Variants in GLIS3 observed in about 807,000 individuals in gnomAD.
GLIS3 encodes GLIS family zinc finger 3.
In GLIS3, 53 loss-of-function variants were observed where a neutral mutation model predicts 78.6. The ratio of observed to expected loss-of-function variants is 0.67; its 90% CI spans 0.54 to 0.85. The LOEUF (loss-of-function observed/expected upper bound fraction) is 0.85, where lower values mean the gene tolerates loss of function less well. GLIS3 is among the 40% of genes least tolerant of loss of function. The pLI is 0.00. For missense variants in GLIS3, 1,703 were observed against 1,231.1 expected (o/e 1.38, Z -5.74); for synonymous variants, 684 against 509.9 (o/e 1.34, Z -4.60).
chr9:3,895,154 T>TATCA (rs1316060541), intron 7 of GLIS3, among the ~76,000 whole-genome samples: 1 of 152,232 alleles, frequency 6.6e-6, no homozygotes, highest in African/African-American at 2.4e-5. Flanking sequence ...GGCTTCTATA[T>TATCA]ATCATTAGTT....
intron 2 of GLIS3, among the ~76,000 whole-genome samples, chr9:4,166,158 G>A (rs1055462862): frequency 6.6e-6 from 1 of 152,168 alleles, no homozygotes; most frequent in Admixed American, 6.5e-5. Context: ...ATTGTTCTGA[G>A]GGAAAGTACT....
At chr9:4,037,015 G>C (rs894273484) in intron 4 of GLIS3, among the ~76,000 whole-genome samples, 1 of 152,092 alleles carries the variant, frequency 6.6e-6, no homozygotes, top group South Asian at 2.1e-4. Flanking sequence ...GGGTGTCCAT[G>C]TTCTAACCTT....
chr9:4,186,802 G>C (rs573693400), intron 2 of GLIS3, among the ~76,000 whole-genome samples: 1 of 152,268 alleles, frequency 6.6e-6, no homozygotes, highest in East Asian at 1.9e-4. Flanking sequence ...GTCTTCTTTT[G>C]AGAAGTGTCT....
chr9:4,472,994 C>G, the GLIS3 span, among the ~76,000 whole-genome samples: 1 of 152,126 alleles, frequency 6.6e-6, no homozygotes, highest in East Asian at 1.9e-4. Flanking sequence ...ATTGCTGAGT[C>G]TAACGGTAGT....
chr9:3,955,139 C>T (rs150078521), intron 4 of GLIS3, among the ~76,000 whole-genome samples: 100 of 152,164 alleles, frequency 6.6e-4, no homozygotes, highest in Non-Finnish European at 1.2e-3. Flanking sequence ...GGAACAGAGC[C>T]GTAAATCAGA....
intron 2 of GLIS3, among the ~76,000 whole-genome samples, chr9:4,174,665 C>A (rs562740243): frequency 2.6e-5 from 4 of 152,192 alleles, no homozygotes; most frequent in African/African-American, 9.7e-5. Context: ...TGTGAATTAA[C>A]CTCCTTTTTA....
intron 4 of GLIS3, among the ~76,000 whole-genome samples, chr9:3,937,877 A>C (rs1309180821): frequency 2.6e-5 from 4 of 152,248 alleles, no homozygotes; most frequent in African/African-American, 4.8e-5. Flanking sequence ...GTAATACTTT[A>C]ATCTTTTTTT....
chr9:4,232,928 C>T (rs1441872229), intron 2 of GLIS3, among the ~76,000 whole-genome samples: 1 of 152,158 alleles, frequency 6.6e-6, no homozygotes, highest in African/African-American at 2.4e-5. Context: ...GTGGTAGAAT[C>T]AGTGTATAGA....
At chr9:4,178,357 G>A (rs1018220704) in intron 2 of GLIS3, among the ~76,000 whole-genome samples, 3 of 152,150 alleles carry the variant, frequency 2.0e-5, no homozygotes, top group Non-Finnish European at 4.4e-5. Context: ...AGGTTGGACA[G>A]GAGATCATAT....
intron 2 of GLIS3, among the ~76,000 whole-genome samples, chr9:4,186,315 A>C (rs577732665): frequency 7.2e-5 from 11 of 152,114 alleles, no homozygotes; most frequent in African/African-American, 2.2e-4. Flanking sequence ...ATGTCCCTAC[A>C]AAGGACATGA....
intron 6 of GLIS3, among the ~76,000 whole-genome samples, chr9:3,920,073 G>A (rs1345917710): frequency 6.7e-6 from 1 of 148,784 alleles, no homozygotes; most frequent in African/African-American, 2.5e-5. Flanking sequence ...GCACGGTCTC[G>A]GCTCACTGCA....
At chr9:3,981,747 G>C (rs1204331831) in intron 4 of GLIS3, among the ~76,000 whole-genome samples, 3 of 152,102 alleles carry the variant, frequency 2.0e-5, no homozygotes, top group Non-Finnish European at 4.4e-5. Flanking sequence ...GGCTTTGGAA[G>C]ACATCATACT....
chr9:4,143,241 T>TTG (rs140580360), intron 2 of GLIS3, among the ~76,000 whole-genome samples: 3,264 of 150,542 alleles, frequency 0.022, 44 homozygotes, highest in Non-Finnish European at 0.031. Context: ...ACGTGTGTAT[T>TTG]TGTGTGTGTG....
intron 2 of GLIS3, among the ~76,000 whole-genome samples, chr9:4,210,705 C>T (rs1454382566): frequency 1.3e-5 from 2 of 152,218 alleles, no homozygotes; most frequent in Non-Finnish European, 2.9e-5. Flanking sequence ...GCTTATCCTG[C>T]TCGTCCAAGG....
At chr9:3,894,040 A>G (rs1320798992) in intron 7 of GLIS3, among the ~76,000 whole-genome samples, 1 of 152,222 alleles carries the variant, frequency 6.6e-6, no homozygotes, top group African/African-American at 2.4e-5. Flanking sequence ...AGGTTTTGAT[A>G]GCAGTTCAAA....
chr9:4,235,863 T>C (rs1393879907), intron 2 of GLIS3, among the ~76,000 whole-genome samples: 1 of 152,058 alleles, frequency 6.6e-6, no homozygotes, highest in Admixed American at 6.5e-5. Context: ...ACTGAGTCAA[T>C]CTCACTATGC....
the GLIS3 span, among the ~76,000 whole-genome samples, chr9:4,461,620 C>G: frequency 2.6e-5 from 4 of 152,178 alleles, no homozygotes; most frequent in Non-Finnish European, 5.9e-5. Flanking sequence ...GCCTCCTTGA[C>G]TTCAGGCTTG....
intron 8 of GLIS3, chr9:3,878,957 G>A (rs924318932): frequency 5.6e-6 from 1 of 177,720 alleles, no homozygotes; most frequent in African/African-American, 2.4e-5. Context: ...TGAAGATCAT[G>A]GTTGTTTAAA....
At position 4,117,990 on chromosome 9, in the gene GLIS3, G is replaced by T. The variant is rs139835816; in HGVS notation, c.1488C>A (p.Ile496=). Residue 496 remains isoleucine (I), a synonymous_variant, in exon 4 of 11, where the codon ATC becomes ATA. Coordinates refer to ENST00000381971, the MANE Select transcript of GLIS3 (RefSeq NM_001042413.2). Reference sequence around the variant, plus strand: ...TCCAGCGGCAGCAATGCTTGCCCCCGATGCCGTCCATCTCCCCGTCGTCGT... The same window carrying T: ...TCCAGCGGCAGCAATGCTTGCCCCCTATGCCGTCCATCTCCCCGTCGTCGT... ...TLDDDGEMDG[I]GGKHCCRWID... 1.1e-5 allele frequency: 18 copies of T among 1,611,446 alleles called. No individual in the cohort carries two copies. The highest frequency in any genetic ancestry group is 1.4e-5 in the Non-Finnish European group (17 of 1,179,172).
Sources: gnomAD v4.1 joint callset for allele counts (sites outside exome capture counted in the v4.1 genomes callset) on GRCh38, gnomAD v4.1.1 for gene constraint, MANE v1.5 for transcripts, NCBI Gene and HGNC (gene_info 2026-07-23, HGNC 2026-07-21) for gene names.